ASIC2: variants seen among roughly 807,000 people sequenced by gnomAD.
ASIC2 encodes the protein acid-sensing ion channel 2.
A neutral mutation model predicts 57.3 loss-of-function variants in ASIC2; 25 were observed. The ratio of observed to expected loss-of-function variants is 0.44; its 90% CI spans 0.32 to 0.61. The LOEUF (loss-of-function observed/expected upper bound fraction) is 0.61, where lower values mean the gene tolerates loss of function less well. Among genes scored for constraint, ASIC2 ranks in the 20% least tolerant of loss-of-function variants. The pLI is 0.06. For missense variants in ASIC2, 641 were observed against 738.1 expected, an observed-to-expected ratio of 0.87 and a Z score of 1.52; for synonymous variants, 319 against 307.5, an observed-to-expected ratio of 1.04 and a Z score of -0.39.
intron 1 of ASIC2, among the ~76,000 whole-genome samples, chr17:33,195,076 C>T (rs1906571512): frequency 6.6e-6 from 1 of 152,110 alleles, no homozygotes; most frequent in Admixed American, 6.6e-5. Context: ...GGGCTCCTGG[C>T]TTGACAAATT....
intron 1 of ASIC2, among the ~76,000 whole-genome samples, chr17:33,614,626 C>T (rs1905534646): frequency 6.6e-6 from 1 of 152,066 alleles, no homozygotes; most frequent in Non-Finnish European, 1.5e-5. Context: ...AAAAAAATAC[C>T]TTTGATGTGA....
chr17:33,428,209 C>A (rs949509973), intron 1 of ASIC2, among the ~76,000 whole-genome samples: 4 of 152,068 alleles, frequency 2.6e-5, no homozygotes, highest in Non-Finnish European at 5.9e-5. Context: ...GAGTAATTTG[C>A]TATATAGTAT....
intron 1 of ASIC2, chr17:33,580,094 A>C (rs1362714702): frequency 6.6e-6 from 1 of 152,220 alleles, no homozygotes; most frequent in Non-Finnish European, 1.5e-5. Context: ...AGCTGGCTTC[A>C]CGTCTTATTA....
intron 1 of ASIC2, among the ~76,000 whole-genome samples, chr17:33,606,430 G>A (rs961563846): frequency 1.3e-5 from 2 of 152,156 alleles, no homozygotes; most frequent in African/African-American, 4.8e-5. Context: ...TGAAGCTTGG[G>A]GCTAGGTGCT....
intron 1 of ASIC2, among the ~76,000 whole-genome samples, chr17:33,831,871 C>G (rs1250976990): frequency 6.6e-6 from 1 of 152,190 alleles, no homozygotes; most frequent in African/African-American, 2.4e-5. Context: ...ACAAGACTCC[C>G]TGTTCTGTTG....
chr17:33,522,019 AGCTGAGCAAAGCCAGCTG>A (rs1433592018), intron 1 of ASIC2, among the ~76,000 whole-genome samples: 1 of 152,194 alleles, frequency 6.6e-6, no homozygotes, highest in African/African-American at 2.4e-5. Flanking sequence ...CCTATGGGAT[AGCTGAGCAAAGCCAGCTG>A]GCTGGGTGGG....
intron 1 of ASIC2, among the ~76,000 whole-genome samples, chr17:33,609,293 T>C (rs1307052427): frequency 6.6e-6 from 1 of 152,180 alleles, no homozygotes; most frequent in Non-Finnish European, 1.5e-5. Context: ...CCAATGCACT[T>C]GGGATAAACC....
intron 1 of ASIC2, among the ~76,000 whole-genome samples, chr17:33,896,862 TC>T (rs34180876): frequency 3.3e-5 from 5 of 152,120 alleles, no homozygotes; most frequent in African/African-American, 1.2e-4. Flanking sequence ...TGTGTATGGT[TC>T]CCCCCAGGGT....
chr17:34,092,101 A>G (rs1910354658), intron 1 of ASIC2, among the ~76,000 whole-genome samples: 1 of 151,792 alleles, frequency 6.6e-6, no homozygotes, highest in African/African-American at 2.4e-5. Flanking sequence ...TAGGGGTGGT[A>G]GTGGATCCCG....
At chr17:33,139,342 A>T (rs182116238) in intron 1 of ASIC2, among the ~76,000 whole-genome samples, 5 of 152,338 alleles carry the variant, frequency 3.3e-5, no homozygotes, top group Admixed American at 3.3e-4. Context: ...AGCTGTTTCC[A>T]GTCCCTTCCC....
intron 1 of ASIC2, among the ~76,000 whole-genome samples, chr17:33,223,856 C>T (rs1464273748): frequency 1.3e-5 from 2 of 152,132 alleles, no homozygotes; most frequent in Non-Finnish European, 2.9e-5. Flanking sequence ...TACATGGGGC[C>T]GGGATCACAG....
intron 1 of ASIC2, among the ~76,000 whole-genome samples, chr17:34,010,361 G>T (rs1906666853): frequency 6.6e-6 from 1 of 152,174 alleles, no homozygotes; most frequent in African/African-American, 2.4e-5. Context: ...AAAGCCTCTA[G>T]TGGCCTCCCC....
At chr17:34,144,498 CA>C (rs1218102307) in intron 1 of ASIC2, among the ~76,000 whole-genome samples, 2 of 152,166 alleles carry the variant, frequency 1.3e-5, no homozygotes, top group Non-Finnish European at 2.9e-5. Context: ...GTTGTATCAC[CA>C]GCTCATCTTA....
intron 1 of ASIC2, among the ~76,000 whole-genome samples, chr17:33,532,373 A>G: frequency 6.6e-6 from 1 of 152,330 alleles, no homozygotes; most frequent in East Asian, 1.9e-4. Flanking sequence ...GACACAAATA[A>G]TTATAAAATA....
At position 33,898,220 on chromosome 17, in the gene ASIC2, C is replaced by CTTTTTTTTTTTTTTT. The variant is rs771624171; in HGVS notation, c.555+257743_555+257757dup. 1.0e-3 allele frequency among the ~76,000 whole-genome samples: 67 copies of CTTTTTTTTTTTTTTT among 66,184 alleles called. 21 individuals are homozygous for CTTTTTTTTTTTTTTT. Among genetic ancestry groups the CTTTTTTTTTTTTTTT allele is most frequent in the Admixed American group, 2.0e-3 (8 of 4,018 alleles). The allele number at this position is 66,184 out of a possible 152,430, so 43.4% of individuals were successfully genotyped here. ...AAACTGCCCAGAGTTCATGTATAAT[C>CTTTTTTTTTTTTTTT]TTTTTTTTTTTTTTTTTTTTTTTTT... On this transcript the variant is annotated intron_variant, in intron 1 of 9. Transcript: ENST00000359872.
chr17:33,339,721 T>A (rs991239001), intron 1 of ASIC2, among the ~76,000 whole-genome samples: 1 of 152,184 alleles, frequency 6.6e-6, no homozygotes, highest in Non-Finnish European at 1.5e-5. Flanking sequence ...CTTTCTGACC[T>A]TGCACAAACC....
At chr17:33,671,622 T>C (rs962341652) in intron 1 of ASIC2, among the ~76,000 whole-genome samples, 3 of 152,172 alleles carry the variant, frequency 2.0e-5, no homozygotes, top group Admixed American at 6.5e-5. Context: ...GATCCAGGTT[T>C]CTCAGCCTGC....
At chr17:33,383,641 GC>G (rs1318904964) in intron 1 of ASIC2, among the ~76,000 whole-genome samples, 1 of 152,192 alleles carries the variant, frequency 6.6e-6, no homozygotes, top group Non-Finnish European at 1.5e-5. Flanking sequence ...AGTCAGGTTA[GC>G]CCCCACCAGG....
chr17:33,640,563 T>C (rs1906529889), intron 1 of ASIC2, among the ~76,000 whole-genome samples: 2 of 152,208 alleles, frequency 1.3e-5, no homozygotes, highest in Admixed American at 6.5e-5. Context: ...CAAACTAAGT[T>C]GGCACAGAGA....
Sources: gnomAD v4.1 joint callset for allele counts (sites outside exome capture counted in the v4.1 genomes callset) on GRCh38, gnomAD v4.1.1 for gene constraint, MANE v1.5 for transcripts, NCBI Gene and HGNC (gene_info 2026-07-23, HGNC 2026-07-21) for gene names.